SPAG16: variants seen among roughly 807,000 people sequenced by gnomAD.
SPAG16 encodes sperm-associated antigen 16 protein.
Under a neutral mutation model 80.4 loss-of-function variants are expected in SPAG16, and 86 were observed. That is an observed-to-expected ratio of 1.07 (90% CI 0.90 to 1.28). The LOEUF (loss-of-function observed/expected upper bound fraction) is 1.28. SPAG16 is among the 50% of genes most tolerant of loss of function. SPAG16 has a pLI of 0.00. For synonymous variants in SPAG16, 294 were observed against 265.9 expected, an observed-to-expected ratio of 1.11 and a Z score of -1.03; for missense variants, 870 against 765.3, an observed-to-expected ratio of 1.14 and a Z score of -1.61.
intron 9 of SPAG16, among the ~76,000 whole-genome samples, chr2:213,395,161 C>A (rs772757744): frequency 3.9e-5 from 6 of 151,970 alleles, no homozygotes; most frequent in Non-Finnish European, 8.8e-5. Context: ...GTTTTATGGA[C>A]TTTTTTTCAA....
chr2:213,930,035 G>C lies in SPAG16; in HGVS notation c.1290G>C (p.Leu430Phe). 2 of 1,614,110 alleles carry C rather than the reference G, an allele frequency of 1.2e-6. No homozygotes were observed. Among genetic ancestry groups the C allele is most frequent in the Non-Finnish European group, 8.5e-7 (1 of 1,180,002 alleles). The change falls in exon 12 of 16, where the codon TTG becomes TTC. Residue 430 changes from leucine to phenylalanine, a missense_variant. Transcript: ENST00000331683. ...LWDLCKGDCILTFEGHSRAVW... is the reference protein window; with the variant it reads ...LWDLCKGDCIFTFEGHSRAVW... ...ATCTATGTAAAGGCGATTGCATTTT[G>C]ACCTTTGAAGGACACAGCCGCGCAG...
chr2:214,376,412 A>G (rs1385356020), intron 15 of SPAG16, among the ~76,000 whole-genome samples: 1 of 152,176 alleles, frequency 6.6e-6, no homozygotes. Context: ...GTGCAAAATC[A>G]TTTAGACCAT....
chr2:214,393,538 AAACT>A (rs1376377517), intron 15 of SPAG16, among the ~76,000 whole-genome samples: 1 of 151,776 alleles, frequency 6.6e-6, no homozygotes, highest in African/African-American at 2.4e-5. Flanking sequence ...CAAAATAATT[AAACT>A]AAAATATAAT....
intron 11 of SPAG16, among the ~76,000 whole-genome samples, chr2:213,905,493 A>G (rs1394642842): frequency 2.0e-5 from 3 of 152,216 alleles, no homozygotes; most frequent in African/African-American, 7.2e-5. Flanking sequence ...TGTTTGAATT[A>G]TCTACTTAAA....
At chr2:213,362,281 G>T (rs564227651) in intron 7 of SPAG16, among the ~76,000 whole-genome samples, 2 of 152,128 alleles carry the variant, frequency 1.3e-5, no homozygotes, top group Admixed American at 6.5e-5. Flanking sequence ...ATTCCTTAAT[G>T]GTATAAATAT....
intron 15 of SPAG16, among the ~76,000 whole-genome samples, chr2:214,259,175 T>C (rs1576616797): frequency 6.6e-6 from 1 of 151,828 alleles, no homozygotes; most frequent in Non-Finnish European, 1.5e-5. Flanking sequence ...GAGGGTTGAT[T>C]GAATTCATTT....
intron 13 of SPAG16, among the ~76,000 whole-genome samples, chr2:214,042,003 T>TATATATATAC (rs2049050870): frequency 7.9e-6 from 1 of 126,158 alleles, no homozygotes; most frequent in African/African-American, 3.3e-5. Flanking sequence ...TATATATATA[T>TATATATATAC]ATATACACAC....
chr2:214,269,803 T>C (rs16851687), intron 15 of SPAG16, among the ~76,000 whole-genome samples: 2,628 of 152,204 alleles, frequency 0.017, 156 homozygotes, highest in East Asian at 0.1. Context: ...AGAATCTATC[T>C]TGAGCACTTA....
intron 15 of SPAG16, among the ~76,000 whole-genome samples, chr2:214,317,229 CTT>C (rs1695757972): frequency 1.3e-5 from 2 of 152,172 alleles, no homozygotes; most frequent in African/African-American, 4.8e-5. Flanking sequence ...CACACAGAGA[CTT>C]TGTGTCAACA....
At chr2:214,168,728 G>T (rs2056762111) in intron 15 of SPAG16, among the ~76,000 whole-genome samples, 1 of 152,110 alleles carries the variant, frequency 6.6e-6, no homozygotes, top group African/African-American at 2.4e-5. Flanking sequence ...AAATGTTGCA[G>T]AGGTCCACGT....
At chr2:214,268,264 C>G (rs1460583721) in intron 15 of SPAG16, among the ~76,000 whole-genome samples, 2 of 151,666 alleles carry the variant, frequency 1.3e-5, no homozygotes, top group Non-Finnish European at 3.0e-5. Flanking sequence ...ATGAACGTTC[C>G]TTTATTGTGA....
intron 15 of SPAG16, among the ~76,000 whole-genome samples, chr2:214,362,374 C>T (rs971003323): frequency 1.3e-5 from 2 of 151,806 alleles, no homozygotes; most frequent in Non-Finnish European, 2.9e-5. Flanking sequence ...AGAGGTCATA[C>T]ATGATACTTT....
chr2:213,791,963 T>C (rs2070726372), intron 10 of SPAG16, among the ~76,000 whole-genome samples: 1 of 152,222 alleles, frequency 6.6e-6, no homozygotes, highest in African/African-American at 2.4e-5. Context: ...CTGAGTATTT[T>C]GCAACACATT....
At chr2:214,074,835 A>T (rs2050988127) in intron 13 of SPAG16, among the ~76,000 whole-genome samples, 1 of 152,192 alleles carries the variant, frequency 6.6e-6, no homozygotes, top group Admixed American at 6.5e-5. Context: ...ACACAATGAG[A>T]TACCACTATA....
intron 13 of SPAG16, among the ~76,000 whole-genome samples, chr2:214,036,362 A>G (rs981288296): frequency 2.4e-4 from 37 of 152,274 alleles, no homozygotes; most frequent in African/African-American, 7.9e-4. Context: ...CATTTCTTCA[A>G]GAAACTCTGG....
chr2:213,812,688 A>G (rs897363224), intron 10 of SPAG16, among the ~76,000 whole-genome samples: 13 of 152,218 alleles, frequency 8.5e-5, no homozygotes, highest in African/African-American at 2.4e-4. Flanking sequence ...AATAATTTTA[A>G]TTCTGTTTAA....
At chr2:213,682,360 T>G (rs1013045561) in intron 10 of SPAG16, among the ~76,000 whole-genome samples, 1 of 152,222 alleles carries the variant, frequency 6.6e-6, no homozygotes, top group African/African-American at 2.4e-5. Flanking sequence ...CTAGAACCCA[T>G]TCAATCATAT....
intron 10 of SPAG16, among the ~76,000 whole-genome samples, chr2:213,814,032 A>G (rs2072356770): frequency 6.6e-6 from 1 of 152,064 alleles, no homozygotes; most frequent in Non-Finnish European, 1.5e-5. Context: ...AGAGAGAGAG[A>G]TCGGTAGGGT....
At chr2:213,453,743 C>A in intron 9 of SPAG16, among the ~76,000 whole-genome samples, 1 of 152,096 alleles carries the variant, frequency 6.6e-6, no homozygotes, top group East Asian at 1.9e-4. Context: ...TCTCTCCTGG[C>A]CCAGCCTCAA....
Sources: gnomAD v4.1 joint callset for allele counts (sites outside exome capture counted in the v4.1 genomes callset) on GRCh38, gnomAD v4.1.1 for gene constraint, MANE v1.5 for transcripts, NCBI Gene and HGNC (gene_info 2026-07-23, HGNC 2026-07-21) for gene names.